E4F1: variants seen among roughly 807,000 people sequenced by gnomAD.
E4F1 encodes the protein E4F transcription factor 1, also known as transcription factor E4F1.
A neutral mutation model predicts 72.9 loss-of-function variants in E4F1; 30 were observed. The ratio of observed to expected loss-of-function variants is 0.41; its 90% CI spans 0.31 to 0.56. The LOEUF is 0.56. E4F1 is among the 20% of genes least tolerant of loss of function. The probability of loss-of-function intolerance (pLI) is 0.25; values close to 1 mark genes in which losing one functional copy is unlikely to be tolerated. For synonymous variants in E4F1, 542 were observed against 478.2 expected, an observed-to-expected ratio of 1.13 and a Z score of -1.74; for missense variants, 1,091 against 1,117.5, an observed-to-expected ratio of 0.98 and a Z score of 0.34.
chr16:2,231,114 T>C (rs1197255486), intron 3 of E4F1: 1 of 152,360 alleles, frequency 6.6e-6, no homozygotes, highest in Non-Finnish European at 1.5e-5. Flanking sequence ...AGTCCAGGGC[T>C]GCTAGCTCTC....
At chr16:2,229,442 G>C in intron 2 of E4F1, 128 bp from the exon 3 acceptor site, 2 of 943,052 alleles carry the variant, frequency 2.1e-6, no homozygotes, top group South Asian at 3.0e-5. Context: ...TCCCAAGGAC[G>C]TGGACCCAGG....
At chr16:2,233,320 T>TG (rs2093480238) in intron 7 of E4F1, 118 bp from the exon 8 acceptor site, 2 of 1,434,396 alleles carry the variant, frequency 1.4e-6, no homozygotes, top group Non-Finnish European at 1.8e-6. Context: ...GCAGGGCCAG[T>TG]GGGAGCGCCA....
rs770486015 is a variant in E4F1 at position 2,223,655 on chromosome 16, G to C, written c.42G>C (p.Thr14=). 4.4e-6 allele frequency: 7 copies of C among 1,588,934 alleles called. No homozygotes were observed. Among genetic ancestry groups the C allele is most frequent in the Non-Finnish European group, 6.0e-6 (7 of 1,173,796 alleles). The change falls in exon 1 of 14, where the codon ACG becomes ACC. Residue 14 remains threonine (T), a synonymous_variant. Transcript: ENST00000301727. The stretch of plus-strand genomic sequence containing the variant: ...CAGTGCGGGTGACGGCCGCTCATAC[G>C]GCAGAAGCCCAGGCCGAAGCCGGGC... The part of the protein sequence containing the change: ...AMAVRVTAAH[T]AEAQAEAGRE...
At position 2,234,903 on chromosome 16, in the gene E4F1, A is replaced by G; in HGVS notation, c.1837A>G (p.Ser613Gly). 1 of 1,551,814 alleles carries G rather than the reference A, an allele frequency of 6.4e-7. No homozygotes were observed. The highest frequency in any genetic ancestry group is 8.7e-7 in the Non-Finnish European group (1 of 1,147,772). ...EVEELLVSED[S>G]PAAATTVLTE... ...GGAGGAGTTGCTGGTGTCTGAGGAC[A>G]GCCCCGCGGCAGCCACCACCGTCCT... The change falls in exon 12 of 14, where the codon AGC becomes GGC. Residue 613 changes from serine to glycine, a missense_variant. By Grantham distance (56) the Ser-to-Gly change is moderately conservative. Coordinates refer to ENST00000301727, the MANE Select transcript of E4F1 (RefSeq NM_004424.5).
In E4F1 at chr16:2,233,897, G is replaced by T. The variant is rs150753552; in HGVS notation, c.1282G>T (p.Ala428Ser). The change falls in exon 9 of 14, where the codon GCC becomes TCC. Residue 428 changes from alanine to serine, a missense_variant. Transcript: ENST00000301727. ...QPLETQVASE[A>S]SAVPRTHPCP... Reference sequence around the variant, plus strand: ...GGTTCCCCAGCAGGTGGCCAGCGAGGCCTCAGCGGTGCCCAGGACCCACCC... The same window carrying T: ...GGTTCCCCAGCAGGTGGCCAGCGAGTCCTCAGCGGTGCCCAGGACCCACCC... 7.3e-5 allele frequency: 116 copies of T among 1,598,028 alleles called. No homozygotes were observed. In the African/African-American group the frequency reaches 1.3e-3, roughly 18 times the overall value.
chr16:2,225,260 T>C (rs1015271301), intron 1 of E4F1, among the ~76,000 whole-genome samples: 32 of 152,008 alleles, frequency 2.1e-4, no homozygotes, highest in African/African-American at 6.8e-4. Flanking sequence ...GTGTTGGGGA[T>C]GCACTAAGGG....
chr16:2,232,875 G>T lies in E4F1; in HGVS notation c.850G>T (p.Asp284Tyr), dbSNP rs2093476898. ...GAAAATCCGCTTCAGTGTGAGCAAGGACGTGGTTGTCAGCAAAGAGGACGC... is the reference window on the plus strand; with the variant it reads ...GAAAATCCGCTTCAGTGTGAGCAAGTACGTGGTTGTCAGCAAAGAGGACGC... ...TEKIRFSVSK[D>Y]VVVSKEDARA... The change falls in exon 6 of 14, where the codon GAC becomes TAC. Residue 284 changes from aspartate (D) to tyrosine (Y), a missense_variant. Physicochemically the swap from Asp to Tyr is radical, Grantham distance 160. Around this residue, in one of 5 missense-constraint regions of E4F1, gnomAD observed 101 missense variants for 97.4 expected, o/e 1.04. Coordinates refer to ENST00000301727, the MANE Select transcript of E4F1 (RefSeq NM_004424.5). 7.4e-6 allele frequency: 12 copies of T among 1,613,426 alleles called. No individual in the cohort carries two copies. Among genetic ancestry groups the T allele is most frequent in the Non-Finnish European group, 1.0e-5 (12 of 1,180,010 alleles).
chr16:2,229,522 ACT>A (rs2093453132), intron 2 of E4F1, 46 bp from the exon 3 acceptor site: 2 of 1,578,016 alleles, frequency 1.3e-6, no homozygotes, highest in Non-Finnish European at 8.6e-7. Flanking sequence ...CTGAGAACTA[ACT>A]CTGGAGCATA....
chr16:2,225,825 A>G (rs533310718), intron 1 of E4F1, among the ~76,000 whole-genome samples: 4 of 150,364 alleles, frequency 2.7e-5, no homozygotes, highest in African/African-American at 7.3e-5. Flanking sequence ...GCTGGGCGCA[A>G]TGGCTCGCGC....
chr16:2,232,444 C>T lies in E4F1; in HGVS notation c.610-12C>T. 3 of 1,609,532 alleles carry T rather than the reference C, an allele frequency of 1.9e-6. No individual in the cohort carries two copies. Among genetic ancestry groups the T allele is most frequent in the African/African-American group, 1.3e-5 (1 of 74,974 alleles). ...CCAGGAGGGCCCTGAGCTGCCACGCCCTCCCCCACAGGGCAGCATCCTCAA... is the reference window on the plus strand; with the variant it reads ...CCAGGAGGGCCCTGAGCTGCCACGCTCTCCCCCACAGGGCAGCATCCTCAA... On this transcript the variant is annotated splice_polypyrimidine_tract_variant and intron_variant, in intron 4 of 13. Coordinates refer to ENST00000301727, the MANE Select transcript of E4F1 (RefSeq NM_004424.5).
At chr16:2,226,222 G>A (rs1020476920) in intron 1 of E4F1, among the ~76,000 whole-genome samples, 12 of 152,130 alleles carry the variant, frequency 7.9e-5, no homozygotes, top group East Asian at 7.7e-4. Context: ...GCCCCTTCTC[G>A]TTCCAGCTTG....
intron 7 of E4F1, 33 bp downstream of exon 7, chr16:2,233,216 C>T: frequency 1.9e-6 from 3 of 1,573,250 alleles, no homozygotes; most frequent in South Asian, 1.2e-5. Flanking sequence ...GAGGGCTGCT[C>T]TGTCTTCTGC....
chr16:2,233,662 C>T lies in E4F1; in HGVS notation c.1266+15C>T. 1 of 1,524,890 alleles carries T rather than the reference C, an allele frequency of 6.6e-7. No individual in the cohort carries two copies. The highest frequency in any genetic ancestry group is 8.8e-7 in the Non-Finnish European group (1 of 1,137,090). The allele number at this position is 1,524,890 out of a possible 1,614,324, so 94.5% of individuals were successfully genotyped here. ...CGCTGGAGACAGTAGGTGCCAGCACCACCTGCGGGCTCCTCCCAGGGCTGG... is the reference window on the plus strand; with the variant it reads ...CGCTGGAGACAGTAGGTGCCAGCACTACCTGCGGGCTCCTCCCAGGGCTGG... On this transcript the variant is annotated intron_variant, in intron 8 of 13. Coordinates refer to ENST00000301727, the MANE Select transcript of E4F1 (RefSeq NM_004424.5).
At chr16:2,232,694 GCCTTGTCA>G (rs1596766524) in intron 5 of E4F1, 54 bp from the exon 6 acceptor site, 3 of 1,608,586 alleles carry the variant, frequency 1.9e-6, no homozygotes, top group East Asian at 4.5e-5. Flanking sequence ...GCCTGCCTTC[GCCTTGTCA>G]CCTTGTCGCC....
rs1245231731 is a variant in E4F1 at position 2,234,730 on chromosome 16, G to A, written c.1741G>A (p.Gly581Ser). The A allele has an allele frequency of 1.3e-5, 20 of 1,559,186 alleles. No individual in the cohort carries two copies. The highest frequency in any genetic ancestry group is 2.4e-5 in the East Asian group (1 of 41,750). Residue 581 changes from glycine (G) to serine (S), a missense_variant, in exon 11 of 14, where the codon GGC becomes AGC. Gly to Ser is a moderately conservative substitution (Grantham distance 56). Coordinates refer to ENST00000301727, the MANE Select transcript of E4F1 (RefSeq NM_004424.5). ...GEKPFKCYKC[G>S]RGFAEHGTLN... Reference sequence around the variant, plus strand: ...GAAGCCGTTCAAGTGCTACAAGTGCGGCCGTGGCTTCGCCGAGCACGGCAC... The same window carrying A: ...GAAGCCGTTCAAGTGCTACAAGTGCAGCCGTGGCTTCGCCGAGCACGGCAC...
chr16:2,232,994 C>G lies in E4F1; in HGVS notation c.884-17C>G, dbSNP rs760682407. The stretch of plus-strand genomic sequence containing the variant: ...GGGGTGTGTGAGGGATCTTCACTCC[C>G]TCACTCCACCTTGAAGGTTCTGGAG... On this transcript the variant is annotated splice_polypyrimidine_tract_variant and intron_variant, in intron 6 of 13. Coordinates refer to ENST00000301727, the MANE Select transcript of E4F1 (RefSeq NM_004424.5). 7 of 1,608,924 alleles carry G rather than the reference C, an allele frequency of 4.4e-6. No homozygotes were observed. The South Asian group carries it at 6.6e-5, about 15-fold the overall frequency.
chr16:2,228,076 G>C (rs2093442717), intron 1 of E4F1, among the ~76,000 whole-genome samples: 1 of 152,186 alleles, frequency 6.6e-6, no homozygotes. Context: ...GGTGGGTTTT[G>C]AGCATGGCAG....
At chr16:2,234,034 A>G (rs761437634) in intron 9 of E4F1, 44 bp downstream of exon 9, 4 of 1,545,772 alleles carry the variant, frequency 2.6e-6, no homozygotes, top group South Asian at 1.2e-5. Flanking sequence ...TGGATGGGCT[A>G]TAGGTGGCCG....
chr16:2,224,125 C>T (rs1417385441), intron 1 of E4F1, among the ~76,000 whole-genome samples: 7 of 152,370 alleles, frequency 4.6e-5, no homozygotes, highest in Non-Finnish European at 8.8e-5. Flanking sequence ...CTTCCTCCTG[C>T]ACCTGATGGG....
Sources: gnomAD v4.1 joint callset for allele counts (sites outside exome capture counted in the v4.1 genomes callset) on GRCh38, gnomAD v4.1.1 for gene constraint, gnomAD v4.1.1 regional missense constraint, MANE v1.5 for transcripts, NCBI Gene and HGNC (gene_info 2026-07-23, HGNC 2026-07-21) for gene names.